PAH: variants seen among roughly 807,000 people sequenced by gnomAD.
PAH encodes the protein phenylalanine-4-hydroxylase.
In PAH, 64 loss-of-function variants were observed where a neutral mutation model predicts 62.0. The observed-to-expected ratio is 1.03, with a 90% confidence interval of 0.84 to 1.27. The LOEUF (loss-of-function observed/expected upper bound fraction) is 1.27. Among genes scored for constraint, PAH ranks in the 50% most tolerant of loss-of-function variants. The pLI, the probability that PAH is intolerant of heterozygous loss-of-function variation, is 0.00. For missense variants in PAH, 579 were observed against 542.8 expected, an observed-to-expected ratio of 1.07 and a Z score of -0.66; for synonymous variants, 195 against 196.2, an observed-to-expected ratio of 0.99 and a Z score of 0.05.
At position 102,888,282 on chromosome 12, in the gene PAH, G is replaced by A. The variant is rs536256534; in HGVS notation, c.352+6453C>T. Among the ~76,000 whole-genome samples, 36 of 152,162 alleles carry A rather than the reference G, an allele frequency of 2.4e-4. No individual in the cohort carries two copies. The South Asian group carries it at 3.7e-3, about 16-fold the overall frequency. On this transcript the variant is annotated intron_variant, in intron 3 of 12. Transcript: ENST00000553106. ...AAAGCAACTTGGCCGAACAGCTACA[G>A]CCCAGGAATTGAACTGGAAAATCCA...
chr12:102,851,787 G>C (rs762205695), intron 7 of PAH, 31 bp from the exon 8 acceptor site: 5 of 1,590,816 alleles, frequency 3.1e-6, no homozygotes, highest in South Asian at 1.1e-5. Context: ...AGAGCTCGGA[G>C]GGGAGGAGGT....
In PAH at chr12:102,877,442, C is replaced by A. The variant is rs111842675; in HGVS notation, c.441+20G>T. On this transcript the variant is annotated intron_variant, in intron 4 of 12. Transcript: ENST00000553106. The stretch of plus-strand genomic sequence containing the variant: ...AGGAGAGGCACTGAAAAAATCTCAT[C>A]CTACGGGCCATGGACTCACAGGGTG... The A allele has an allele frequency of 6.3e-7, 1 of 1,591,058 alleles. No homozygotes were observed. The highest frequency in any genetic ancestry group is 8.6e-7 in the Non-Finnish European group (1 of 1,158,934).
upstream of PAH, among the ~76,000 whole-genome samples, chr12:102,918,679 C>A (rs1284768174): frequency 6.6e-6 from 1 of 151,246 alleles, no homozygotes; most frequent in African/African-American, 2.4e-5. Flanking sequence ...GCTAAGAATA[C>A]AGATATAACA....
chr12:102,850,710 C>T (rs1875105346), intron 8 of PAH, among the ~76,000 whole-genome samples: 1 of 152,164 alleles, frequency 6.6e-6, no homozygotes, highest in East Asian at 1.9e-4. Flanking sequence ...TCAACCTTCT[C>T]ATGATCCCAG....
intron 11 of PAH, 146 bp downstream of exon 11, chr12:102,843,500 A>T: frequency 1.2e-6 from 1 of 819,664 alleles, no homozygotes; most frequent in Non-Finnish European, 2.0e-6. Flanking sequence ...GAAGAAAAGG[A>T]GGGTGGAGAA....
rs62516062 is a variant in PAH, at chr12:102,844,368, C to T, written c.1033G>A (p.Ala345Thr). The T allele has an allele frequency of 1.9e-6, 3 of 1,613,724 alleles. No homozygotes were observed. Among genetic ancestry groups the T allele is most frequent in the Non-Finnish European group, 2.5e-6 (3 of 1,179,666 alleles). ...KQGDSIKAYG[A>T]GLLSSFGELQ... ...TCACCAAAGGATGACAGGAGCCCAG[C>T]ACCATATGCCTTTATGGAGTCTCCT... Residue 345 changes from alanine (A) to threonine (T), a missense_variant, in exon 10 of 13, where the codon GCT (alanine) becomes ACT (threonine). Transcript: ENST00000553106.
At chr12:102,839,367 TG>T in intron 12 of PAH, 149 bp from the exon 13 acceptor site, 4 of 729,654 alleles carry the variant, frequency 5.5e-6, no homozygotes, top group Non-Finnish European at 9.8e-6. Flanking sequence ...AGCCTCATTA[TG>T]GTATAAGTAC....
chr12:102,940,595 G>A (rs777371963), intron 1 of PAH, among the ~76,000 whole-genome samples: 4 of 152,182 alleles, frequency 2.6e-5, no homozygotes, highest in Non-Finnish European at 4.4e-5. Context: ...CTGGTTCTTT[G>A]AATTAGTTCA....
intron 5 of PAH, among the ~76,000 whole-genome samples, chr12:102,858,289 A>G (rs1462908711): frequency 6.6e-6 from 1 of 152,222 alleles, no homozygotes; most frequent in Non-Finnish European, 1.5e-5. Context: ...TCCTAAATGT[A>G]TATGCACCCA....
At chr12:102,879,606 G>A (rs977762405) in intron 3 of PAH, among the ~76,000 whole-genome samples, 4 of 47,572 alleles carry the variant, frequency 8.4e-5, no homozygotes, top group Admixed American at 3.9e-4. Context: ...TTTTACCTGT[G>A]GGGGGGGGGT....
At chr12:102,903,923 G>GGAGAGTATTTT (rs1877868544) in intron 2 of PAH, among the ~76,000 whole-genome samples, 1 of 152,152 alleles carries the variant, frequency 6.6e-6, no homozygotes, top group African/African-American at 2.4e-5. Context: ...CCATTACTAA[G>GGAGAGTATTTT]CCACTTACAG....
At chr12:102,908,303 GTTTA>G (rs1349918881) in intron 2 of PAH, among the ~76,000 whole-genome samples, 1 of 151,398 alleles carries the variant, frequency 6.6e-6, no homozygotes, top group Non-Finnish European at 1.5e-5. Context: ...GTTACTTGTC[GTTTA>G]TTTATTAGGT....
At chr12:102,902,088 C>A (rs1877783004) in intron 2 of PAH, among the ~76,000 whole-genome samples, 1 of 152,126 alleles carries the variant, frequency 6.6e-6, no homozygotes, top group South Asian at 2.1e-4. Flanking sequence ...AACAATGCAG[C>A]CACGAAGTCA....
In PAH at chr12:102,895,936, C is replaced by T. The variant is rs185679721; in HGVS notation, c.169-1018G>A. ...ATTCAAGGTATTCAATAAATATATA[C>T]ATTTGTAACACCCAACAGTGGCCAA... On this transcript the variant is annotated intron_variant, in intron 2 of 12. Coordinates refer to ENST00000553106, the MANE Select transcript of PAH (RefSeq NM_000277.3). Among the ~76,000 whole-genome samples the T allele has an allele frequency of 2.7e-3, 396 of 148,846 alleles. 2 individuals are homozygous for T. Among genetic ancestry groups the T allele is most frequent in the African/African-American group, 9.0e-3 (362 of 40,196 alleles).
At chr12:102,895,055 A>G in intron 2 of PAH, 137 bp from the exon 3 acceptor site, 1 of 720,890 alleles carries the variant, frequency 1.4e-6, no homozygotes, top group Non-Finnish European at 2.3e-6. Flanking sequence ...AGAGTATAAA[A>G]AAGTCCTTAA....
At chr12:102,878,746 TG>T (rs936582521) in intron 3 of PAH, among the ~76,000 whole-genome samples, 7 of 152,112 alleles carry the variant, frequency 4.6e-5, no homozygotes, top group Admixed American at 2.0e-4. Context: ...GGATTCACCC[TG>T]GTTGTGTTAA....
chr12:102,886,595 T>C (rs1294657980), intron 3 of PAH, among the ~76,000 whole-genome samples: 1 of 151,990 alleles, frequency 6.6e-6, no homozygotes, highest in East Asian at 1.9e-4. Flanking sequence ...CAACATTGGG[T>C]CAAACAGAAG....
chr12:102,931,069 T>G (rs546795879), intron 1 of PAH, among the ~76,000 whole-genome samples: 1 of 152,166 alleles, frequency 6.6e-6, no homozygotes, highest in South Asian at 2.1e-4. Flanking sequence ...TAGCGGTTGA[T>G]TAGATAATTT....
intron 1 of PAH, among the ~76,000 whole-genome samples, chr12:102,924,923 A>G (rs559304720): frequency 7.9e-4 from 120 of 152,274 alleles, no homozygotes; most frequent in African/African-American, 2.7e-3. Flanking sequence ...CAATGTTATG[A>G]AAGTGTGGAA....
Sources: gnomAD v4.1 joint callset for allele counts (sites outside exome capture counted in the v4.1 genomes callset) on GRCh38, gnomAD v4.1.1 for gene constraint, MANE v1.5 for transcripts, NCBI Gene and HGNC (gene_info 2026-07-23, HGNC 2026-07-21) for gene names.